The following DNER variants were observed in gnomAD, a reference collection of about 807,000 sequenced individuals.
DNER encodes delta and Notch-like epidermal growth factor-related receptor.
Under a neutral mutation model 78.2 loss-of-function variants are expected in DNER, and 33 were observed. The observed-to-expected ratio is 0.42, with a 90% confidence interval of 0.32 to 0.56. DNER has a LOEUF of 0.56. Ranked by LOEUF, DNER falls within the 20% of genes least tolerant of loss-of-function variation. DNER has a pLI of 0.11. For missense variants in DNER, 918 were observed against 975.3 expected (o/e 0.94, Z 0.78); for synonymous variants, 417 against 384.8 (o/e 1.08, Z -0.98).
intron 7 of DNER, among the ~76,000 whole-genome samples, chr2:229,455,386 C>T (rs749007970): frequency 5.9e-5 from 9 of 152,196 alleles, no homozygotes; most frequent in East Asian, 1.9e-4. Flanking sequence ...CAATAAATGT[C>T]GGATTCTTTT....
intron 4 of DNER, among the ~76,000 whole-genome samples, chr2:229,549,727 T>C (rs925467051): frequency 6.6e-6 from 1 of 151,998 alleles, no homozygotes; most frequent in African/African-American, 2.4e-5. Context: ...CTGGCCAATA[T>C]GGTGAAACCC....
chr2:229,689,040 T>G (rs1699528168), intron 1 of DNER, among the ~76,000 whole-genome samples: 6 of 152,180 alleles, frequency 3.9e-5, no homozygotes, highest in Admixed American at 3.9e-4. Context: ...TAACGCATAC[T>G]GGGCTTAATA....
At chr2:229,663,984 G>C (rs2154216645) in intron 1 of DNER, among the ~76,000 whole-genome samples, 1 of 152,180 alleles carries the variant, frequency 6.6e-6, no homozygotes, top group East Asian at 1.9e-4. Flanking sequence ...TCTGTATTCA[G>C]GATGAATCTG....
At position 229,591,278 on chromosome 2, in the gene DNER, C is replaced by T. The variant is rs75252710; in HGVS notation, c.585+302G>A. Among the ~76,000 whole-genome samples, 290 of 152,284 alleles carry T rather than the reference C, an allele frequency of 1.9e-3. 4 individuals are homozygous for T. The highest frequency in any genetic ancestry group is 6.6e-3 in the African/African-American group (273 of 41,546). On this transcript the variant is annotated intron_variant, in intron 2 of 12. Transcript: ENST00000341772. This position sits in a 1 kb window ranked among gnomAD's most constrained non-coding sequence, Gnocchi z 4.6. ...AAAATAAGGTCAATGATGGAGGGTC[C>T]TATGACATGTTCCTTTACATGACTA...
chr2:229,613,213 G>T (rs1698082755), intron 1 of DNER, among the ~76,000 whole-genome samples: 1 of 152,136 alleles, frequency 6.6e-6, no homozygotes, highest in Admixed American at 6.5e-5. Context: ...CAGAAGTTTT[G>T]CTGGTAACAG....
At chr2:229,605,649 A>G (rs1013726780) in intron 1 of DNER, among the ~76,000 whole-genome samples, 4 of 152,144 alleles carry the variant, frequency 2.6e-5, no homozygotes, top group African/African-American at 9.7e-5. Context: ...GCCATGTTGA[A>G]CTATGTGAAT....
At chr2:229,584,645 G>A (rs1210317412) in intron 4 of DNER, among the ~76,000 whole-genome samples, 14 of 152,116 alleles carry the variant, frequency 9.2e-5, no homozygotes, top group Non-Finnish European at 2.1e-4. Flanking sequence ...CGCCAAAGCG[G>A]AGGAATTAGA....
chr2:229,576,121 T>C (rs1238948779), intron 4 of DNER, among the ~76,000 whole-genome samples: 3 of 152,182 alleles, frequency 2.0e-5, no homozygotes, highest in Non-Finnish European at 4.4e-5. Context: ...CAGCAGAACT[T>C]ACTCAATTGT....
At chr2:229,670,065 C>G (rs1231579603) in intron 1 of DNER, among the ~76,000 whole-genome samples, 1 of 152,206 alleles carries the variant, frequency 6.6e-6, no homozygotes, top group African/African-American at 2.4e-5. Flanking sequence ...CCCTGCATCA[C>G]TCAGAAACCA....
chr2:229,592,648 T>G (rs1697628904), intron 1 of DNER, among the ~76,000 whole-genome samples: 1 of 152,164 alleles, frequency 6.6e-6, no homozygotes, highest in African/African-American at 2.4e-5. Flanking sequence ...CCTTCTCTGT[T>G]GACCTCTGAA....
rs565303981 is a variant in DNER, at chr2:229,523,561, T to A, written c.994-10625A>T. Reference sequence around the variant, plus strand: ...TTTACCTCTTTAAAGTGACCTCATTTCACTTTACCTCTTTAAAGAGCCTAC... The same window carrying A: ...TTTACCTCTTTAAAGTGACCTCATTACACTTTACCTCTTTAAAGAGCCTAC... On this transcript the variant is annotated intron_variant, in intron 5 of 12. Transcript: ENST00000341772. Among the ~76,000 whole-genome samples the A allele has an allele frequency of 9.2e-5, 14 of 152,312 alleles. No homozygotes were observed. The East Asian group carries it at 1.4e-3, about 15-fold the overall frequency.
intron 11 of DNER, among the ~76,000 whole-genome samples, chr2:229,377,912 C>G (rs370733709): frequency 2.0e-4 from 30 of 152,220 alleles, no homozygotes; most frequent in African/African-American, 6.3e-4. Context: ...AAATGACTTT[C>G]CTAATGTGAT....
intron 1 of DNER, among the ~76,000 whole-genome samples, chr2:229,593,770 A>G (rs1697653703): frequency 6.6e-6 from 1 of 152,144 alleles, no homozygotes; most frequent in South Asian, 2.1e-4. Context: ...AAGAAGAAGA[A>G]TTTTATTCAC....
At chr2:229,641,135 T>C (rs994071532) in intron 1 of DNER, among the ~76,000 whole-genome samples, 2 of 152,178 alleles carry the variant, frequency 1.3e-5, no homozygotes, top group South Asian at 2.1e-4. Context: ...GGTAATGGTA[T>C]GGACAGGACA....
At chr2:229,691,392 T>C (rs1431208385) in intron 1 of DNER, among the ~76,000 whole-genome samples, 1 of 152,128 alleles carries the variant, frequency 6.6e-6, no homozygotes, top group African/African-American at 2.4e-5. Context: ...AAAACTACTA[T>C]CCTTTGAGTT....
chr2:229,443,834 G>A (rs1002097258), intron 8 of DNER, among the ~76,000 whole-genome samples: 2 of 152,166 alleles, frequency 1.3e-5, no homozygotes. Context: ...AGATGAAGAC[G>A]AGAAATTTCA....
At chr2:229,622,686 A>G (rs1698270340) in intron 1 of DNER, among the ~76,000 whole-genome samples, 1 of 152,090 alleles carries the variant, frequency 6.6e-6, no homozygotes, top group Non-Finnish European at 1.5e-5. Context: ...AGGTCATACT[A>G]ATTAGTGTGG....
intron 1 of DNER, among the ~76,000 whole-genome samples, chr2:229,632,978 A>G (rs1266853099): frequency 1.3e-5 from 2 of 152,232 alleles, no homozygotes; most frequent in Non-Finnish European, 2.9e-5. Flanking sequence ...AATAATTATT[A>G]TTGTATCAAA....
At chr2:229,403,128 T>C (rs1242259997) in intron 10 of DNER, among the ~76,000 whole-genome samples, 1 of 152,140 alleles carries the variant, frequency 6.6e-6, no homozygotes, top group Non-Finnish European at 1.5e-5. Flanking sequence ...CCCGATTCAC[T>C]CCACTCGGTC....
Sources: gnomAD v4.1 joint callset for allele counts (sites outside exome capture counted in the v4.1 genomes callset) on GRCh38, gnomAD v4.1.1 for gene constraint, Gnocchi (gnomAD v3.1) non-coding constraint, MANE v1.5 for transcripts, NCBI Gene and HGNC (gene_info 2026-07-23, HGNC 2026-07-21) for gene names.